LDHC: variants seen among roughly 807,000 people sequenced by gnomAD.
The protein encoded by LDHC is lactate dehydrogenase C.
LDHC carries 20 observed loss-of-function variants against 30.2 expected under a neutral mutation model. The observed-to-expected ratio is 0.66, with a 90% confidence interval of 0.47 to 0.96. LDHC has a LOEUF of 0.96. Ranked by LOEUF, LDHC falls within the 40% of genes least tolerant of loss-of-function variation. LDHC has a pLI of 0.00. For missense variants in LDHC, 362 were observed against 394.9 expected (o/e 0.92, Z 0.71); for synonymous variants, 139 against 132.7 (o/e 1.05, Z -0.32).
intron 3 of LDHC, among the ~76,000 whole-genome samples, chr11:18,429,227 C>T (rs1300867156): frequency 1.3e-5 from 2 of 150,230 alleles, no homozygotes; most frequent in Admixed American, 1.3e-4. Context: ...ATTCTCCTGC[C>T]TCAGCCTCCC....
chr11:18,416,630 G>A (rs1452563694), intron 3 of LDHC, among the ~76,000 whole-genome samples: 1 of 152,128 alleles, frequency 6.6e-6, no homozygotes, highest in Non-Finnish European at 1.5e-5. Context: ...AGGCCTTTGA[G>A]TACGGCTCAG....
At chr11:18,418,550 C>T (rs931381241) in intron 3 of LDHC, among the ~76,000 whole-genome samples, 3 of 151,922 alleles carry the variant, frequency 2.0e-5, no homozygotes, top group Admixed American at 2.0e-4. Context: ...CTGCCTCAGC[C>T]TCCCAAGCAG....
intron 4 of LDHC, 80 bp from the exon 5 acceptor site, chr11:18,434,660 A>G: frequency 1.3e-6 from 1 of 760,412 alleles, no homozygotes; most frequent in Non-Finnish European, 2.3e-6. Flanking sequence ...CTCTAAAACA[A>G]TTCATCTATG....
At chr11:18,446,143 A>G in intron 6 of LDHC, 67 bp from the exon 7 acceptor site, 4 of 1,321,354 alleles carry the variant, frequency 3.0e-6, no homozygotes, top group Non-Finnish European at 4.3e-6. Context: ...TGGATGCTTG[A>G]AGAATATTAT....
rs370697091 is a variant in LDHC, at chr11:18,445,565, G to A, written c.711-645G>A. Among the ~76,000 whole-genome samples, 18 of 152,174 alleles carry A rather than the reference G, an allele frequency of 1.2e-4. No individual in the cohort carries two copies. In the South Asian group the frequency reaches 3.1e-3, roughly 26 times the overall value. ...TTTCAAGGTGATTAGTTTCTATGTT[G>A]CATATTTAAGCAACAATACAAAAAA... On this transcript the variant is annotated intron_variant, in intron 6 of 7. Transcript: ENST00000541669.
At position 18,429,940 on chromosome 11, in the gene LDHC, T is replaced by C. The variant is rs769158135; in HGVS notation, c.418+30T>C. ...GTCTTCTCTCTTCCATTCTATTGCA[T>C]AAGGATGATCTTTCCATACCATTCC... On this transcript the variant is annotated intron_variant, in intron 4 of 7. Coordinates refer to ENST00000541669, the MANE Select transcript of LDHC (RefSeq NM_017448.5). The C allele has an allele frequency of 1.7e-5, 24 of 1,405,064 alleles. No individual in the cohort carries two copies. The African/African-American group carries it at 2.7e-4, about 16-fold the overall frequency. The allele number at this position is 1,405,064 out of a possible 1,614,324, so 87.0% of individuals were successfully genotyped here. A position where few individuals can be genotyped will look rare whatever the true frequency, so the allele number is the denominator to read the frequency against.
intron 2 of LDHC, 123 bp from the exon 3 acceptor site, chr11:18,415,061 T>G: frequency 1.8e-6 from 1 of 547,604 alleles, no homozygotes; most frequent in South Asian, 3.1e-5. Flanking sequence ...AAACTATTTT[T>G]ATATCATTTT....
intron 3 of LDHC, among the ~76,000 whole-genome samples, chr11:18,420,043 A>G (rs1384679653): frequency 6.6e-6 from 1 of 152,204 alleles, no homozygotes; most frequent in Non-Finnish European, 1.5e-5. Context: ...GTGAACTGAG[A>G]TGGCACCACT....
chr11:18,429,471 A>G (rs1269311069), intron 3 of LDHC, among the ~76,000 whole-genome samples: 3 of 152,130 alleles, frequency 2.0e-5, no homozygotes, highest in African/African-American at 7.2e-5. Context: ...CCTTCATAAC[A>G]CAGGGGAATT....
At chr11:18,434,083 G>A (rs1848315461) in intron 4 of LDHC, among the ~76,000 whole-genome samples, 3 of 151,900 alleles carry the variant, frequency 2.0e-5, no homozygotes, top group African/African-American at 7.3e-5. Context: ...TCTTCTACTT[G>A]TTCAGTTCTA....
intron 3 of LDHC, 40 bp from the exon 4 acceptor site, chr11:18,429,697 G>A: frequency 4.8e-6 from 6 of 1,242,280 alleles, no homozygotes; most frequent in Non-Finnish European, 7.0e-6. Context: ...AGTGGTTATG[G>A]TAATGTTGAT....
intron 6 of LDHC, among the ~76,000 whole-genome samples, chr11:18,444,604 G>GTGTATATA: frequency 1.1e-5 from 1 of 89,308 alleles, no homozygotes; most frequent in Non-Finnish European, 2.5e-5. Context: ...TGTTCAGGTG[G>GTGTATATA]TATATATATA....
At chr11:18,420,020 G>A (rs1867088771) in intron 3 of LDHC, among the ~76,000 whole-genome samples, 1 of 152,144 alleles carries the variant, frequency 6.6e-6, no homozygotes, top group South Asian at 2.1e-4. Context: ...TGAACCAGGA[G>A]GCAGAGGTTG....
chr11:18,439,822 A>AAC (rs1246921414), intron 6 of LDHC, among the ~76,000 whole-genome samples: 6 of 143,108 alleles, frequency 4.2e-5, no homozygotes, highest in Admixed American at 2.1e-4. Context: ...AAAAAAAAAA[A>AAC]AAAAAAAAAA....
At chr11:18,447,082 T>C (rs1404542272) in intron 7 of LDHC, among the ~76,000 whole-genome samples, 3 of 151,812 alleles carry the variant, frequency 2.0e-5, no homozygotes, top group African/African-American at 7.3e-5. Flanking sequence ...GAATGTGTAC[T>C]GATGCATGTA....
chr11:18,415,492 C>T (rs533150928), intron 3 of LDHC, among the ~76,000 whole-genome samples, 191 bp downstream of exon 3: 14 of 152,144 alleles, frequency 9.2e-5, no homozygotes, highest in Admixed American at 1.3e-4. Context: ...AGTGCAGTGG[C>T]GCGATCTTGG....
chr11:18,430,844 G>A (rs1848253325), intron 4 of LDHC, among the ~76,000 whole-genome samples: 1 of 152,104 alleles, frequency 6.6e-6, no homozygotes, highest in Non-Finnish European at 1.5e-5. Context: ...GGGTTATATG[G>A]TAGGTATATG....
chr11:18,412,981 C>CCCTA (rs1397902981), intron 2 of LDHC, 138 bp downstream of exon 2: 4 of 352,450 alleles, frequency 1.1e-5, no homozygotes, highest in African/African-American at 3.8e-5. Flanking sequence ...CTCCCTCCCT[C>CCCTA]CCTCCCTTCC....
In LDHC at chr11:18,450,906, TG is replaced by T. The variant is rs1184397104; in HGVS notation, c.835-56del. ...GTATACTCTCATTTTGATGCCCTTT[TG>T]CATAGCTGCTTTTCCATATCAGGTT... On this transcript the variant is annotated intron_variant, in intron 7 of 7. Transcript: ENST00000541669. 2.3e-6 allele frequency: 3 copies of T among 1,315,722 alleles called. No individual in the cohort carries two copies. In the African/African-American group the frequency reaches 4.5e-5, roughly 20 times the overall value. 81.5% of individuals were successfully genotyped at this position (1,315,722 alleles called of 1,614,324 possible).
Sources: allele counts gnomAD v4.1 joint callset (sites outside exome capture counted in the v4.1 genomes callset), GRCh38; gene constraint gnomAD v4.1.1; transcripts MANE v1.5; gene names NCBI Gene and HGNC (gene_info 2026-07-23, HGNC 2026-07-21).